The following FSTL5 variants were observed in gnomAD, a reference collection of about 807,000 sequenced individuals.
FSTL5 encodes the protein follistatin like 5.
FSTL5 carries 62 observed loss-of-function variants against 89.1 expected under a neutral mutation model. The observed-to-expected ratio is 0.70, with a 90% CI of 0.57 to 0.86. The LOEUF is 0.86. Among genes scored for constraint, FSTL5 ranks in the 40% least tolerant of loss-of-function variants. FSTL5 has a pLI of 0.00. For synonymous variants in FSTL5, 383 were observed against 346.2 expected (o/e 1.11, Z -1.18); for missense variants, 1,057 against 1,001.6 (o/e 1.06, Z -0.75).
At chr4:161,992,082 T>C (rs748307586) in intron 3 of FSTL5, among the ~76,000 whole-genome samples, 53 of 152,112 alleles carry the variant, frequency 3.5e-4, no homozygotes, top group Non-Finnish European at 1.9e-4. Flanking sequence ...GTGGTACTGA[T>C]TGAGGTCAGA....
chr4:161,868,555 A>G (rs537501146), intron 4 of FSTL5, among the ~76,000 whole-genome samples: 5 of 152,292 alleles, frequency 3.3e-5, no homozygotes, highest in Non-Finnish European at 7.4e-5. Context: ...TGTCAGAGTT[A>G]TCTTTCTCAC....
rs1379009858 is a variant in FSTL5 at position 161,943,595 on chromosome 4, G to A, written c.161-22943C>T. On this transcript the variant is annotated intron_variant, in intron 3 of 15. Transcript: ENST00000306100. ...TTTTTTGAGGTGGAGTCTTGCTGTCGCTCAGGCTGGAGTGCAGTGGTGCAA... is the reference window on the plus strand; with the variant it reads ...TTTTTTGAGGTGGAGTCTTGCTGTCACTCAGGCTGGAGTGCAGTGGTGCAA... Among the ~76,000 whole-genome samples, 6 of 120,156 alleles carry A rather than the reference G, an allele frequency of 5.0e-5. No homozygotes were observed. In the South Asian group the frequency reaches 8.0e-4, roughly 16 times the overall value. The allele number at this position is 120,156 out of a possible 152,430, so 78.8% of individuals were successfully genotyped here.
intron 1 of FSTL5, among the ~76,000 whole-genome samples, chr4:162,134,623 C>T (rs988713241): frequency 4.6e-5 from 7 of 152,180 alleles, no homozygotes; most frequent in Non-Finnish European, 1.0e-4. Context: ...TCTCATTTAG[C>T]TCATGGAGAT....
chr4:161,973,184 G>A (rs1409517109), intron 3 of FSTL5, among the ~76,000 whole-genome samples: 1 of 151,378 alleles, frequency 6.6e-6, no homozygotes, highest in African/African-American at 2.4e-5. Context: ...TTTTTTTTCT[G>A]TATTACGTAG....
rs56229701 is a variant in FSTL5 at position 161,437,565 on chromosome 4, C to CAAAAAAAAAAAAAAAAAAAAAAAA, written c.1841+17438_1841+17439insTTTTTTTTTTTTTTTTTTTTTTTT. Among the ~76,000 whole-genome samples the CAAAAAAAAAAAAAAAAAAAAAAAA allele has an allele frequency of 3.5e-3, 238 of 68,466 alleles. 18 individuals carry two copies. The highest frequency in any genetic ancestry group is 4.3e-3 in the South Asian group (7 of 1,614). 44.9% of individuals were successfully genotyped at this position (68,466 alleles called of 152,430 possible). A position where few individuals can be genotyped will look rare whatever the true frequency, so the allele number is the denominator to read the frequency against. ...CTGGTGACAGAGTGAGACTCCGTCT[C>CAAAAAAAAAAAAAAAAAAAAAAAA]AAAAAAAAAAAAAAAAACGAGGTCA... On this transcript the variant is annotated intron_variant, in intron 15 of 15. Coordinates refer to ENST00000306100, the MANE Select transcript of FSTL5 (RefSeq NM_020116.5).
intron 3 of FSTL5, among the ~76,000 whole-genome samples, chr4:161,993,273 A>G (rs761592650): frequency 5.9e-5 from 9 of 152,006 alleles, no homozygotes; most frequent in Non-Finnish European, 1.2e-4. Flanking sequence ...TTTAAAAATG[A>G]CAAGGCTTAT....
intron 4 of FSTL5, among the ~76,000 whole-genome samples, chr4:161,796,542 A>G (rs1423313516): frequency 6.6e-6 from 1 of 151,778 alleles, no homozygotes; most frequent in Non-Finnish European, 1.5e-5. Context: ...AAACTAGTCC[A>G]TTCATATTCA....
chr4:162,154,704 T>C (rs1043873958), intron 1 of FSTL5, among the ~76,000 whole-genome samples: 9 of 152,050 alleles, frequency 5.9e-5, no homozygotes, highest in African/African-American at 2.2e-4. Context: ...TCTATTATAG[T>C]CCTAAATGTA....
chr4:161,464,910 T>A (rs1733700962), intron 13 of FSTL5, among the ~76,000 whole-genome samples: 1 of 152,140 alleles, frequency 6.6e-6, no homozygotes, highest in Non-Finnish European at 1.5e-5. Flanking sequence ...TAATGAGGTA[T>A]TTTACAGACA....
At chr4:162,020,652 C>T (rs1198114755) in intron 3 of FSTL5, among the ~76,000 whole-genome samples, 1 of 151,794 alleles carries the variant, frequency 6.6e-6, no homozygotes, top group East Asian at 1.9e-4. Context: ...TTAAGGTAGG[C>T]CATTTGACTG....
At chr4:161,929,643 G>A (rs752321608) in intron 3 of FSTL5, among the ~76,000 whole-genome samples, 1 of 147,008 alleles carries the variant, frequency 6.8e-6, no homozygotes, top group African/African-American at 2.5e-5. Flanking sequence ...TACCACTCTA[G>A]CAGATGTAGG....
chr4:162,066,370 T>TCTTCTTCTTCTC (rs1190278977), intron 2 of FSTL5, among the ~76,000 whole-genome samples: 2 of 137,738 alleles, frequency 1.5e-5, no homozygotes, highest in Non-Finnish European at 3.1e-5. Context: ...TTCTTCTTCT[T>TCTTCTTCTTCTC]CTCCTTCTTC....
chr4:161,968,934 TACACACAC>T (rs147433060), intron 3 of FSTL5, among the ~76,000 whole-genome samples: 3 of 140,132 alleles, frequency 2.1e-5, no homozygotes, highest in African/African-American at 7.7e-5. Context: ...GACACAGACA[TACACACAC>T]ACACACACAC....
chr4:161,636,445 T>C (rs1443240168), intron 7 of FSTL5, among the ~76,000 whole-genome samples: 1 of 123,138 alleles, frequency 8.1e-6, no homozygotes, highest in African/African-American at 3.0e-5. Context: ...TTCTGGCAGT[T>C]GTTTTTTTTT....
At position 161,526,154 on chromosome 4, in the gene FSTL5, G is replaced by A. The variant is rs866112732; in HGVS notation, c.1312+12012C>T. Among the ~76,000 whole-genome samples, 3 of 152,050 alleles carry A rather than the reference G, an allele frequency of 2.0e-5. No individual in the cohort carries two copies. In the South Asian group the frequency reaches 6.2e-4, roughly 32 times the overall value. On this transcript the variant is annotated intron_variant, in intron 10 of 15. Transcript: ENST00000306100. The stretch of plus-strand genomic sequence containing the variant: ...ATTCTGCTTTGTGAAACATAACTCT[G>A]AAATTACATTTTGACATTAACATTA...
chr4:161,731,006 A>G (rs1055615668), intron 6 of FSTL5, among the ~76,000 whole-genome samples: 2 of 152,224 alleles, frequency 1.3e-5, no homozygotes, highest in African/African-American at 4.8e-5. Flanking sequence ...ATTTAAGATT[A>G]TGTATTTTTT....
At chr4:161,992,488 G>T (rs1156819380) in intron 3 of FSTL5, among the ~76,000 whole-genome samples, 1 of 151,978 alleles carries the variant, frequency 6.6e-6, no homozygotes, top group Non-Finnish European at 1.5e-5. Context: ...TAATTGAGAA[G>T]GGAAAGACAG....
intron 3 of FSTL5, among the ~76,000 whole-genome samples, chr4:161,926,402 T>G (rs985575056): frequency 2.6e-4 from 8 of 31,274 alleles, no homozygotes; most frequent in Non-Finnish European, 6.9e-4. Context: ...AGGTTTTTTT[T>G]TTTTGTTTTG....
intron 4 of FSTL5, among the ~76,000 whole-genome samples, chr4:161,807,767 C>G (rs1730013524): frequency 6.6e-6 from 1 of 152,058 alleles, no homozygotes; most frequent in Non-Finnish European, 1.5e-5. Flanking sequence ...AATTTGCTTG[C>G]AATAAAGAAG....
Sources: gnomAD v4.1 joint callset for allele counts (sites outside exome capture counted in the v4.1 genomes callset) on GRCh38, gnomAD v4.1.1 for gene constraint, MANE v1.5 for transcripts, NCBI Gene and HGNC (gene_info 2026-07-23, HGNC 2026-07-21) for gene names.